Variants in STRBP observed in about 807,000 individuals in gnomAD.
STRBP encodes the protein spermatid perinuclear RNA binding protein.
Under a neutral mutation model 80.1 loss-of-function variants are expected in STRBP, and 13 were observed. The ratio of observed to expected loss-of-function variants is 0.16; its 90% CI spans 0.11 to 0.26. The LOEUF (loss-of-function observed/expected upper bound fraction) is 0.26, where lower values mean the gene tolerates loss of function less well. Among genes scored for constraint, STRBP ranks in the 10% least tolerant of loss-of-function variants. STRBP has a pLI of 1.00. For synonymous variants in STRBP, 284 were observed against 291.2 expected (o/e 0.98, Z 0.25); for missense variants, 485 against 815.2 (o/e 0.59, Z 4.93).
At chr9:123,261,798 T>A (rs572413965) in intron 1 of STRBP, among the ~76,000 whole-genome samples, 1 of 152,334 alleles carries the variant, frequency 6.6e-6, no homozygotes, top group South Asian at 2.1e-4. Context: ...ACTGCAACAC[T>A]TTTCCCCTCT....
At chr9:123,263,728 A>G (rs1379775981) in intron 1 of STRBP, among the ~76,000 whole-genome samples, 2 of 152,104 alleles carry the variant, frequency 1.3e-5, no homozygotes, top group Non-Finnish European at 2.9e-5. Context: ...GATAACTAAA[A>G]CTTGAAAAAG....
chr9:123,187,211 A>G (rs539797807), intron 2 of STRBP, among the ~76,000 whole-genome samples: 2 of 152,090 alleles, frequency 1.3e-5, no homozygotes, highest in East Asian at 3.9e-4. Flanking sequence ...ATCCTCTTTA[A>G]TACTGTTTTG....
chr9:123,211,706 T>C (rs2039714817), intron 2 of STRBP, among the ~76,000 whole-genome samples: 1 of 152,214 alleles, frequency 6.6e-6, no homozygotes. Context: ...TCGGTTCAAC[T>C]ATAAAGAGTT....
intron 2 of STRBP, among the ~76,000 whole-genome samples, chr9:123,220,370 C>T (rs1268064326): frequency 1.3e-5 from 2 of 152,152 alleles, no homozygotes; most frequent in Non-Finnish European, 2.9e-5. Flanking sequence ...ACCTGTACAG[C>T]AAGTTATTCT....
At chr9:123,216,310 G>A (rs368532331) in intron 2 of STRBP, among the ~76,000 whole-genome samples, 1 of 152,186 alleles carries the variant, frequency 6.6e-6, no homozygotes, top group Non-Finnish European at 1.5e-5. Flanking sequence ...GCTCTTGGCT[G>A]TATACCCCTA....
chr9:123,169,755 T>G, intron 6 of STRBP, 147 bp downstream of exon 6: 2 of 422,002 alleles, frequency 4.7e-6, no homozygotes, highest in Admixed American at 9.7e-5. Flanking sequence ...CAAAGCCATT[T>G]AAAATACTAT....
intron 2 of STRBP, 79 bp from the exon 3 acceptor site, chr9:123,184,377 T>C (rs992734379): frequency 3.5e-5 from 12 of 344,006 alleles, no homozygotes; most frequent in Non-Finnish European, 5.8e-5. Flanking sequence ...CCCATAAACA[T>C]GTTCCTGATT....
rs1444074018 is a variant in STRBP, at chr9:123,235,007, G to A, written c.-165+1823C>T. 2.8e-5 allele frequency among the ~76,000 whole-genome samples: 4 copies of A among 144,332 alleles called. 1 individual carries two copies. The highest frequency in any genetic ancestry group is 4.6e-4 in the South Asian group (2 of 4,302). 94.7% of individuals were successfully genotyped at this position (144,332 alleles called of 152,430 possible). On this transcript the variant is annotated intron_variant, in intron 2 of 18. Transcript: ENST00000348403. ...ACTGGCTTTTTTTTTGGGGGGGGGG[G>A]GTACTGGGTATTCAGGTTATAAATA...
intron 2 of STRBP, among the ~76,000 whole-genome samples, chr9:123,216,266 A>C (rs1012243170): frequency 6.6e-6 from 1 of 152,192 alleles, no homozygotes; most frequent in African/African-American, 2.4e-5. Flanking sequence ...CAGCTCTGTA[A>C]CTACATGTTC....
rs755533295 is a variant in STRBP at position 123,169,921 on chromosome 9, T to G, written c.516A>C (p.Glu172Asp). 8 of 1,572,224 alleles carry G rather than the reference T, an allele frequency of 5.1e-6. No homozygotes were observed. In the African/African-American group the frequency reaches 1.1e-4, roughly 21 times the overall value. Residue 172 changes from glutamate (E) to aspartate (D), a missense_variant, in exon 6 of 19, where the codon GAA (glutamate) becomes GAC (aspartate). By Grantham distance (45) the Glu-to-Asp change is conservative (BLOSUM62 2). Around this residue, in one of 3 missense-constraint regions of STRBP, gnomAD observed 377 missense variants for 616.1 expected, o/e 0.61. Transcript: ENST00000348403. The stretch of plus-strand genomic sequence containing the variant: ...GTGTACCTCCATCCTTCTTCTCCAA[T>G]TCGTCCCTAATTAGAGGTGAGGTAA... The part of the protein sequence containing the change: ...VILTSPLIRD[E>D]LEKKDGENVS...
intron 2 of STRBP, among the ~76,000 whole-genome samples, chr9:123,185,252 T>C (rs2038649044): frequency 6.6e-6 from 1 of 152,164 alleles, no homozygotes; most frequent in African/African-American, 2.4e-5. Flanking sequence ...AAACACCCTA[T>C]TGTCAGTAAC....
At chr9:123,135,542 A>T (rs2036315713) in intron 16 of STRBP, among the ~76,000 whole-genome samples, 1 of 152,220 alleles carries the variant, frequency 6.6e-6, no homozygotes, top group Non-Finnish European at 1.5e-5. Flanking sequence ...TAGCACTGAC[A>T]TTCCCAGTGT....
intron 1 of STRBP, among the ~76,000 whole-genome samples, chr9:123,246,695 G>A (rs1451979649): frequency 6.6e-6 from 1 of 152,148 alleles, no homozygotes; most frequent in Non-Finnish European, 1.5e-5. Flanking sequence ...TACAAGTTCA[G>A]AAGAACCACA....
intron 1 of STRBP, among the ~76,000 whole-genome samples, chr9:123,255,501 T>G (rs1422138044): frequency 6.6e-6 from 1 of 152,158 alleles, no homozygotes; most frequent in Admixed American, 6.5e-5. Context: ...GTAAAGGAGA[T>G]TTCAAAGGAT....
intron 6 of STRBP, chr9:123,168,158 A>AT: frequency 1.1e-6 from 1 of 914,886 alleles, no homozygotes. Context: ...GGTTGGTTTT[A>AT]TACTAGAGGG....
intron 14 of STRBP, among the ~76,000 whole-genome samples, 173 bp downstream of exon 14, chr9:123,139,356 G>A (rs1588467666): frequency 6.6e-6 from 1 of 152,068 alleles, no homozygotes; most frequent in Non-Finnish European, 1.5e-5. Flanking sequence ...CCTTCACAGA[G>A]ATTCATGAAA....
intron 14 of STRBP, among the ~76,000 whole-genome samples, chr9:123,137,083 T>C (rs541198577): frequency 6.6e-6 from 1 of 152,160 alleles, no homozygotes; most frequent in South Asian, 2.1e-4. Context: ...AGCTAGAGTG[T>C]AGTGGGAGGG....
At chr9:123,144,059 G>A (rs962113139) in intron 13 of STRBP, among the ~76,000 whole-genome samples, 9 of 151,920 alleles carry the variant, frequency 5.9e-5, no homozygotes, top group Non-Finnish European at 1.2e-4. Flanking sequence ...TTAGCTGGGC[G>A]TGGTGGCAGT....
chr9:123,251,242 AAGAAGG>A (rs1175982944), intron 1 of STRBP, among the ~76,000 whole-genome samples: 3 of 151,204 alleles, frequency 2.0e-5, no homozygotes, highest in Non-Finnish European at 3.0e-5. Context: ...AAAGAAGAAG[AAGAAGG>A]AGAAGGAGAA....
Sources: allele counts gnomAD v4.1 joint callset (sites outside exome capture counted in the v4.1 genomes callset), GRCh38; gene constraint gnomAD v4.1.1; regional missense constraint gnomAD v4.1.1; transcripts MANE v1.5; gene names NCBI Gene and HGNC (gene_info 2026-07-23, HGNC 2026-07-21).